ADAMTSL1: variants seen among roughly 807,000 people sequenced by gnomAD.
ADAMTSL1 encodes the protein ADAMTS-like protein 1.
Under a neutral mutation model 201.8 loss-of-function variants are expected in ADAMTSL1, and 126 were observed. That is an observed-to-expected ratio of 0.62 (90% CI 0.54 to 0.72). ADAMTSL1 has a LOEUF of 0.72. ADAMTSL1 is among the 30% of genes least tolerant of loss of function. ADAMTSL1 has a pLI of 0.00. For synonymous variants in ADAMTSL1, 1,121 were observed against 903.4 expected (o/e 1.24, Z -4.32); for missense variants, 2,679 against 2,277.8 (o/e 1.18, Z -3.59).
At chr9:18,622,727 A>C in intron 5 of ADAMTSL1, 1 of 395,120 alleles carries the variant, frequency 2.5e-6, no homozygotes, top group Non-Finnish European at 4.5e-6. Flanking sequence ...TAACGAGGAA[A>C]GTGGGAAGAT....
intron 9 of ADAMTSL1, among the ~76,000 whole-genome samples, chr9:18,672,549 A>G (rs1264248993): frequency 1.3e-5 from 2 of 152,226 alleles, no homozygotes; most frequent in Non-Finnish European, 2.9e-5. Context: ...CATGTGTCAC[A>G]TGAACACACA....
intron 9 of ADAMTSL1, 76 bp from the exon 10 acceptor site, chr9:18,675,781 T>C: frequency 3.1e-6 from 4 of 1,305,410 alleles, no homozygotes; most frequent in Non-Finnish European, 4.4e-6. Flanking sequence ...TAAAAATTTG[T>C]ATAATGTAAT....
chr9:17,966,207 G>A (rs1304288880), intron 1 of ADAMTSL1, among the ~76,000 whole-genome samples: 1 of 152,086 alleles, frequency 6.6e-6, no homozygotes, highest in Non-Finnish European at 1.5e-5. Context: ...TTGCTTTAAG[G>A]AAACAAGCCC....
intron 19 of ADAMTSL1, among the ~76,000 whole-genome samples, chr9:18,786,266 C>T (rs1177353912): frequency 6.6e-6 from 1 of 152,160 alleles, no homozygotes; most frequent in African/African-American, 2.4e-5. Context: ...TTTTCCTTCT[C>T]TTCTGGGCCT....
intron 2 of ADAMTSL1, among the ~76,000 whole-genome samples, chr9:18,240,893 C>T (rs1219743924): frequency 6.6e-6 from 1 of 152,132 alleles, no homozygotes; most frequent in African/African-American, 2.4e-5. Flanking sequence ...ATGAACCAAC[C>T]TCTGCTACCT....
At chr9:18,088,979 C>A (rs1161958126) in intron 1 of ADAMTSL1, among the ~76,000 whole-genome samples, 2 of 152,050 alleles carry the variant, frequency 1.3e-5, no homozygotes, top group African/African-American at 4.8e-5. Context: ...GGTATGGAAA[C>A]AACCTAAATG....
chr9:18,717,001 C>CACTG (rs1347723962), intron 14 of ADAMTSL1, among the ~76,000 whole-genome samples: 2 of 135,874 alleles, frequency 1.5e-5, no homozygotes, highest in African/African-American at 5.2e-5. Flanking sequence ...AAAAACCAAA[C>CACTG]CGCATATTCT....
At chr9:18,049,124 G>T (rs1821804100) in intron 1 of ADAMTSL1, among the ~76,000 whole-genome samples, 1 of 152,094 alleles carries the variant, frequency 6.6e-6, no homozygotes, top group African/African-American at 2.4e-5. Context: ...CCAGTCATGG[G>T]TTTATGGAAG....
chr9:18,074,565 T>TG (rs386414572), intron 1 of ADAMTSL1, among the ~76,000 whole-genome samples: 2 of 150,840 alleles, frequency 1.3e-5, no homozygotes, highest in African/African-American at 4.9e-5. Context: ...TCTTTTCTTT[T>TG]TTTTTTCTTC....
chr9:18,732,710 G>A (rs1469501782), intron 15 of ADAMTSL1, among the ~76,000 whole-genome samples: 1 of 152,158 alleles, frequency 6.6e-6, no homozygotes, highest in East Asian at 1.9e-4. Context: ...AGGAAAGAAG[G>A]AACAAAGAGA....
At chr9:18,651,669 T>C (rs541036944) in intron 7 of ADAMTSL1, among the ~76,000 whole-genome samples, 3 of 152,174 alleles carry the variant, frequency 2.0e-5, no homozygotes, top group Non-Finnish European at 2.9e-5. Context: ...ATCATTCCAA[T>C]TGTTACCAAA....
At chr9:18,026,571 G>T (rs1193743344) in intron 1 of ADAMTSL1, among the ~76,000 whole-genome samples, 1 of 151,990 alleles carries the variant, frequency 6.6e-6, no homozygotes, top group East Asian at 1.9e-4. Flanking sequence ...TAATAGTGGT[G>T]AATTAACTTT....
At chr9:18,468,161 G>A (rs1158669645) in intron 2 of ADAMTSL1, among the ~76,000 whole-genome samples, 1 of 152,174 alleles carries the variant, frequency 6.6e-6, no homozygotes, top group Non-Finnish European at 1.5e-5. Context: ...TAGGTGCTCA[G>A]TAAGTGTTTG....
intron 21 of ADAMTSL1, among the ~76,000 whole-genome samples, chr9:18,824,342 T>C (rs1824400331): frequency 6.6e-6 from 1 of 152,216 alleles, no homozygotes; most frequent in Admixed American, 6.5e-5. Context: ...TTAGAGATGA[T>C]GCCAACCTGG....
intron 4 of ADAMTSL1, among the ~76,000 whole-genome samples, chr9:18,589,037 T>A (rs1823739422): frequency 2.6e-5 from 4 of 151,494 alleles, no homozygotes; most frequent in Admixed American, 2.6e-4. Flanking sequence ...CTACCATGAC[T>A]GGCTAATTTT....
At chr9:18,468,481 A>G (rs1821090435) in intron 2 of ADAMTSL1, among the ~76,000 whole-genome samples, 1 of 152,128 alleles carries the variant, frequency 6.6e-6, no homozygotes, top group Non-Finnish European at 1.5e-5. Flanking sequence ...GTACTGATTT[A>G]TTATCTCCTA....
At chr9:18,019,837 G>A (rs1021976084) in intron 1 of ADAMTSL1, among the ~76,000 whole-genome samples, 1 of 152,038 alleles carries the variant, frequency 6.6e-6, no homozygotes, top group Non-Finnish European at 1.5e-5. Flanking sequence ...GACTTATAGA[G>A]TAGAGTCCAA....
At chr9:18,848,259 T>A (rs1422265804) in intron 23 of ADAMTSL1, among the ~76,000 whole-genome samples, 1 of 152,186 alleles carries the variant, frequency 6.6e-6, no homozygotes, top group Non-Finnish European at 1.5e-5. Context: ...GATCTCAGGA[T>A]GGGACAAGGC....
intron 2 of ADAMTSL1, among the ~76,000 whole-genome samples, chr9:18,176,610 C>G (rs1170096759): frequency 6.6e-6 from 1 of 152,118 alleles, no homozygotes; most frequent in Non-Finnish European, 1.5e-5. Flanking sequence ...AGATCTGTTA[C>G]TTAAGTTGTT....
Sources: gnomAD v4.1 joint callset for allele counts (sites outside exome capture counted in the v4.1 genomes callset) on GRCh38, gnomAD v4.1.1 for gene constraint, MANE v1.5 for transcripts, NCBI Gene and HGNC (gene_info 2026-07-23, HGNC 2026-07-21) for gene names.